Variants in NTRK3 observed in about 807,000 individuals in gnomAD.
The protein encoded by NTRK3 is NT-3 growth factor receptor.
A neutral mutation model predicts 91.7 loss-of-function variants in NTRK3; 24 were observed. That is an observed-to-expected ratio of 0.26 (90% CI 0.19 to 0.37). NTRK3 has a LOEUF of 0.37. Ranked by LOEUF, NTRK3 falls within the 10% of genes least tolerant of loss-of-function variation. NTRK3 has a pLI of 1.00. For synonymous variants in NTRK3, 483 were observed against 404.0 expected (o/e 1.20, Z -2.34); for missense variants, 880 against 1,068.9 (o/e 0.82, Z 2.46).
exon 19 of NTRK3, chr15:87,874,776 C>T: frequency 4.3e-6 from 1 of 232,048 alleles, no homozygotes; most frequent in Non-Finnish European, 8.5e-6. Context: ...CCAGAACTCA[C>T]AGCCCCGGCA....
intron 14 of NTRK3, among the ~76,000 whole-genome samples, chr15:88,011,627 A>G (rs539730617): frequency 2.9e-4 from 44 of 152,298 alleles, no homozygotes; most frequent in African/African-American, 1.0e-3. Context: ...CCGCAGCTGA[A>G]GATATACACA....
intron 3 of NTRK3, among the ~76,000 whole-genome samples, chr15:88,229,804 G>T (rs1190254763): frequency 2.6e-5 from 4 of 152,216 alleles, no homozygotes; most frequent in Admixed American, 1.3e-4. Context: ...TCCCCACATG[G>T]TTGTCTTATA....
chr15:88,042,180 G>A (rs1287631552), intron 13 of NTRK3, among the ~76,000 whole-genome samples: 1 of 152,142 alleles, frequency 6.6e-6, no homozygotes, highest in Non-Finnish European at 1.5e-5. Flanking sequence ...CTCATAAAAC[G>A]GAATAAGTGG....
chr15:88,116,428 T>C (rs1424098833), intron 13 of NTRK3, among the ~76,000 whole-genome samples: 1 of 139,798 alleles, frequency 7.2e-6, no homozygotes, highest in African/African-American at 2.7e-5. Context: ...CTACTAAAAG[T>C]ACAAAAATTT....
intron 16 of NTRK3, among the ~76,000 whole-genome samples, chr15:87,929,819 C>T (rs78938965): frequency 0.045 from 6,788 of 152,270 alleles, 214 homozygotes; most frequent in African/African-American, 0.086. Context: ...TTGTAATTCA[C>T]TCAATTTTCC....
intron 13 of NTRK3, among the ~76,000 whole-genome samples, chr15:88,125,290 G>A (rs765410079): frequency 6.6e-6 from 1 of 152,194 alleles, no homozygotes; most frequent in Non-Finnish European, 1.5e-5. Flanking sequence ...CACCGTCCCT[G>A]TGAATGCCAT....
chr15:88,001,301 C>A (rs913444720), intron 14 of NTRK3, among the ~76,000 whole-genome samples: 3 of 152,024 alleles, frequency 2.0e-5, no homozygotes, highest in Non-Finnish European at 4.4e-5. Flanking sequence ...TCTTCATTTT[C>A]TTGTTGGTGT....
chr15:88,245,440 T>C (rs1355314728), intron 3 of NTRK3, among the ~76,000 whole-genome samples: 1 of 152,158 alleles, frequency 6.6e-6, no homozygotes, highest in Non-Finnish European at 1.5e-5. Context: ...TAAACTGAGT[T>C]TTTTGACCAA....
At chr15:88,253,039 A>C (rs756075172) in intron 3 of NTRK3, 1 of 152,334 alleles carries the variant, frequency 6.6e-6, no homozygotes, top group Non-Finnish European at 1.5e-5. Flanking sequence ...CAATCAGTTC[A>C]GCACTTGAAG....
intron 17 of NTRK3, among the ~76,000 whole-genome samples, chr15:87,920,538 C>A (rs1431116092): frequency 6.6e-6 from 1 of 152,200 alleles, no homozygotes; most frequent in Non-Finnish European, 1.5e-5. Flanking sequence ...ATACCTTCCT[C>A]TAGACTCCTA....
rs74375636 is a variant in NTRK3, at chr15:87,959,704, T to A, written c.1586-18951A>T. ...GCCCTACGCTCAAGCTAGAGCTCCA[T>A]CACAGCATTAACTCATTAAAGGATT... is the stretch of plus-strand genomic sequence containing the variant. On this transcript the variant is annotated intron_variant, in intron 14 of 18. Transcript: ENST00000394480. Among the ~76,000 whole-genome samples the A allele has an allele frequency of 5.9e-3, 905 of 152,270 alleles. 6 individuals are homozygous for A. The highest frequency in any genetic ancestry group is 0.021 in the African/African-American group (870 of 41,560).
intron 13 of NTRK3, among the ~76,000 whole-genome samples, chr15:88,071,572 T>C (rs1224332392): frequency 6.6e-6 from 1 of 152,254 alleles, no homozygotes; most frequent in African/African-American, 2.4e-5. Context: ...GCACCTATTA[T>C]GGTTAGGCAG....
rs1164375196 is a variant in NTRK3, at chr15:88,145,061, A to G, written c.464+2274T>C. ...GCCAAAATTCTTTCTTCCTGGAAAT[A>G]CACAACCCATCCCCACGCCCCAGCC... On this transcript the variant is annotated intron_variant, in intron 6 of 18. Transcript: ENST00000394480. Among the ~76,000 whole-genome samples, 3 of 152,126 alleles carry G rather than the reference A, an allele frequency of 2.0e-5. No individual in the cohort carries two copies. In the South Asian group the frequency reaches 6.2e-4, roughly 32 times the overall value.
intron 17 of NTRK3, among the ~76,000 whole-genome samples, chr15:87,884,930 G>A (rs1434311562): frequency 6.6e-6 from 1 of 151,752 alleles, no homozygotes; most frequent in Non-Finnish European, 1.5e-5. Context: ...CCTAACCAAT[G>A]CAATAAAGCA....
intron 3 of NTRK3, among the ~76,000 whole-genome samples, chr15:88,211,358 G>T (rs1164939271): frequency 6.6e-6 from 1 of 152,156 alleles, no homozygotes; most frequent in African/African-American, 2.4e-5. Context: ...CTCTTTTATG[G>T]CTGAATAATA....
At chr15:88,210,803 G>A (rs1006555786) in intron 3 of NTRK3, among the ~76,000 whole-genome samples, 5 of 152,208 alleles carry the variant, frequency 3.3e-5, no homozygotes, top group East Asian at 3.9e-4. Flanking sequence ...TAACTTCTGC[G>A]TCAACTTCCA....
chr15:88,090,317 T>C (rs1341582263), intron 13 of NTRK3, among the ~76,000 whole-genome samples: 2 of 152,160 alleles, frequency 1.3e-5, no homozygotes, highest in Non-Finnish European at 2.9e-5. Flanking sequence ...GTTTTATTTA[T>C]TGCCAAATCC....
intron 14 of NTRK3, among the ~76,000 whole-genome samples, chr15:88,018,294 C>T (rs150256923): frequency 4.1e-4 from 62 of 152,324 alleles, no homozygotes; most frequent in African/African-American, 1.5e-3. Context: ...CTTCTGCTGC[C>T]TCACTGGTGA....
chr15:88,122,978 CAT>C (rs1314664785), intron 13 of NTRK3, among the ~76,000 whole-genome samples: 1 of 152,300 alleles, frequency 6.6e-6, no homozygotes, highest in South Asian at 2.1e-4. Context: ...GTAGGACAGA[CAT>C]ATGGTCTACC....
Sources: allele counts gnomAD v4.1 joint callset (sites outside exome capture counted in the v4.1 genomes callset), GRCh38; gene constraint gnomAD v4.1.1; transcripts MANE v1.5; gene names NCBI Gene and HGNC (gene_info 2026-07-23, HGNC 2026-07-21).